Variants in FHIT observed in about 807,000 individuals in gnomAD.
FHIT encodes the protein fragile histidine triad diadenosine triphosphatase, also known as bis(5'-adenosyl)-triphosphatase.
In FHIT, 19 loss-of-function variants were observed where a neutral mutation model predicts 17.9. The ratio of observed to expected loss-of-function variants is 1.06; its 90% CI spans 0.74 to 1.56. The LOEUF (loss-of-function observed/expected upper bound fraction) is 1.56, where lower values mean the gene tolerates loss of function less well. Ranked by LOEUF, FHIT falls within the 40% of genes most tolerant of loss-of-function variation. FHIT has a pLI of 0.00. For synonymous variants in FHIT, 81 were observed against 69.7 expected (o/e 1.16, Z -0.81); for missense variants, 248 against 189.2 (o/e 1.31, Z -1.82).
At chr3:60,944,974 A>G (rs2107435565) in intron 3 of FHIT, among the ~76,000 whole-genome samples, 1 of 152,348 alleles carries the variant, frequency 6.6e-6, no homozygotes, top group South Asian at 2.1e-4. Context: ...AGTGTCACGG[A>G]AGTTATATTC....
chr3:60,703,260 A>G (rs1422102990), intron 4 of FHIT, among the ~76,000 whole-genome samples: 2 of 152,112 alleles, frequency 1.3e-5, no homozygotes, highest in African/African-American at 4.8e-5. Flanking sequence ...AGGGAGGGCC[A>G]CCCCTTAGAG....
chr3:59,898,361 A>C (rs1369805315), intron 8 of FHIT, among the ~76,000 whole-genome samples: 1 of 152,114 alleles, frequency 6.6e-6, no homozygotes, highest in East Asian at 1.9e-4. Context: ...CAAGCATTTC[A>C]GATAAGGGGC....
At chr3:60,395,544 G>C (rs1013357139) in intron 5 of FHIT, among the ~76,000 whole-genome samples, 9 of 152,148 alleles carry the variant, frequency 5.9e-5, no homozygotes, top group Non-Finnish European at 1.2e-4. Context: ...AAGCGAATGA[G>C]TCATGCCTCT....
At chr3:60,227,811 A>G (rs1412006405) in intron 5 of FHIT, among the ~76,000 whole-genome samples, 1 of 152,170 alleles carries the variant, frequency 6.6e-6, no homozygotes, top group Non-Finnish European at 1.5e-5. Context: ...TCCAACTCCA[A>G]GAACTTCTGG....
chr3:60,833,399 T>G (rs1187402574), intron 3 of FHIT, among the ~76,000 whole-genome samples: 1 of 152,190 alleles, frequency 6.6e-6, no homozygotes, highest in African/African-American at 2.4e-5. Flanking sequence ...ATTCCCACTT[T>G]CATACATTTA....
intron 5 of FHIT, among the ~76,000 whole-genome samples, chr3:60,054,548 G>A (rs1373447639): frequency 6.6e-6 from 1 of 152,162 alleles, no homozygotes; most frequent in Non-Finnish European, 1.5e-5. Context: ...CTATCATAAT[G>A]ATGGAGCTAG....
chr3:60,015,212 C>T (rs1700297279), intron 5 of FHIT, among the ~76,000 whole-genome samples: 6 of 152,142 alleles, frequency 3.9e-5, no homozygotes, highest in Admixed American at 3.9e-4. Context: ...ATATCAACCC[C>T]ATTCCGCTAT....
At chr3:60,652,185 C>A (rs12632090) in intron 4 of FHIT, among the ~76,000 whole-genome samples, 120,948 of 152,080 alleles carry the variant, frequency 0.8, 48,217 homozygotes, top group East Asian at 0.85. Context: ...ACAGGCCAGG[C>A]TGAATATGTA....
chr3:59,937,527 T>C (rs1706301525), intron 7 of FHIT, among the ~76,000 whole-genome samples: 1 of 152,206 alleles, frequency 6.6e-6, no homozygotes, highest in Non-Finnish European at 1.5e-5. Context: ...AATAAATATC[T>C]CTGGGCCCAC....
intron 5 of FHIT, among the ~76,000 whole-genome samples, chr3:60,417,094 G>GAAA (rs34479858): frequency 1.0e-5 from 1 of 98,780 alleles, no homozygotes; most frequent in African/African-American, 3.5e-5. Flanking sequence ...ATCTCAGAAA[G>GAAA]AAAAAAAAAA....
chr3:60,605,382 C>G (rs1000626794), intron 4 of FHIT, among the ~76,000 whole-genome samples: 2 of 152,170 alleles, frequency 1.3e-5, no homozygotes, highest in Admixed American at 6.5e-5. Context: ...ATGCTTTTAG[C>G]TTTCCAGAGA....
intron 2 of FHIT, among the ~76,000 whole-genome samples, chr3:61,198,124 C>G (rs1045158309): frequency 1.3e-5 from 2 of 151,932 alleles, no homozygotes; most frequent in African/African-American, 4.8e-5. Context: ...AATGAATAGA[C>G]TATACTATCA....
chr3:59,841,714 C>A (rs1177544708), intron 8 of FHIT, among the ~76,000 whole-genome samples: 1 of 152,142 alleles, frequency 6.6e-6, no homozygotes, highest in Admixed American at 6.5e-5. Context: ...CTGATGCACA[C>A]ACACACTCCT....
chr3:60,449,043 T>C (rs2031539335), intron 5 of FHIT, among the ~76,000 whole-genome samples: 1 of 152,160 alleles, frequency 6.6e-6, no homozygotes, highest in Non-Finnish European at 1.5e-5. Context: ...GATCACTCAC[T>C]TGATACAGAA....
At chr3:61,232,905 T>C (rs541431229) in intron 1 of FHIT, among the ~76,000 whole-genome samples, 2 of 152,160 alleles carry the variant, frequency 1.3e-5, no homozygotes, top group South Asian at 4.2e-4. Context: ...TACAGAACAA[T>C]GTGTATTGTA....
At chr3:60,111,363 A>G (rs897476481) in intron 5 of FHIT, among the ~76,000 whole-genome samples, 1 of 152,196 alleles carries the variant, frequency 6.6e-6, no homozygotes, top group Non-Finnish European at 1.5e-5. Context: ...TAAGACAAAC[A>G]TATGCTTTTC....
rs183688136 is a variant in FHIT at position 59,767,221 on chromosome 3, G to A, written c.349-14900C>T. Among the ~76,000 whole-genome samples, 294 of 152,254 alleles carry A rather than the reference G, an allele frequency of 1.9e-3. 2 individuals are homozygous for A. Among genetic ancestry groups the A allele is most frequent in the Middle Eastern group, 3.4e-3 (1 of 294 alleles). On this transcript the variant is annotated intron_variant, in intron 8 of 9. Transcript: ENST00000492590. ...TCTATGAAAAATGGAGAGCTGGGCC[G>A]GGCGCGGTGGCTCACGCCTGTAATC...
At chr3:60,819,455 C>G (rs1278976723) in intron 4 of FHIT, among the ~76,000 whole-genome samples, 1 of 152,192 alleles carries the variant, frequency 6.6e-6, no homozygotes, top group Non-Finnish European at 1.5e-5. Flanking sequence ...TACTTTGCCA[C>G]GTTATTTTAC....
intron 2 of FHIT, among the ~76,000 whole-genome samples, chr3:61,056,144 G>A (rs1043024245): frequency 6.6e-6 from 1 of 152,158 alleles, no homozygotes; most frequent in Non-Finnish European, 1.5e-5. Flanking sequence ...TTTACCTGTT[G>A]GGTGGGATGG....
Sources: allele counts gnomAD v4.1 joint callset (sites outside exome capture counted in the v4.1 genomes callset), GRCh38; gene constraint gnomAD v4.1.1; transcripts MANE v1.5; gene names NCBI Gene and HGNC (gene_info 2026-07-23, HGNC 2026-07-21).